Variants in NNT observed in about 807,000 individuals in gnomAD.
NNT encodes the protein NAD(P) transhydrogenase, mitochondrial.
NNT carries 50 observed loss-of-function variants against 104.8 expected under a neutral mutation model. The ratio of observed to expected loss-of-function variants is 0.48; its 90% CI spans 0.38 to 0.60. The LOEUF is 0.60. NNT is among the 20% of genes least tolerant of loss of function. The probability of loss-of-function intolerance (pLI) is 0.00; values close to 1 mark genes in which losing one functional copy is unlikely to be tolerated. For synonymous variants in NNT, 461 were observed against 490.4 expected, an observed-to-expected ratio of 0.94 and a Z score of 0.79; for missense variants, 1,131 against 1,330.7, an observed-to-expected ratio of 0.85 and a Z score of 2.33.
At chr5:43,655,200 G>A (rs1739973456) in intron 14 of NNT, among the ~76,000 whole-genome samples, 2 of 152,190 alleles carry the variant, frequency 1.3e-5, no homozygotes, top group African/African-American at 4.8e-5. Flanking sequence ...AATTTGATTA[G>A]AGATTTAGGT....
At chr5:43,603,172 G>A (rs1476352183), upstream of NNT, 2 of 152,848 alleles carry the variant, frequency 1.3e-5, no homozygotes, top group Admixed American at 1.3e-4. Context: ...CGCCGCCGCG[G>A]AGTTGGGGCT....
At chr5:43,607,566 A>T (rs1011872962) in intron 1 of NNT, among the ~76,000 whole-genome samples, 5 of 152,188 alleles carry the variant, frequency 3.3e-5, no homozygotes, top group Non-Finnish European at 7.3e-5. Flanking sequence ...TTGCTCACAC[A>T]AAGCCTGTTT....
At chr5:43,610,588 A>C (rs1430676397) in intron 2 of NNT, among the ~76,000 whole-genome samples, 1 of 152,184 alleles carries the variant, frequency 6.6e-6, no homozygotes, top group African/African-American at 2.4e-5. Flanking sequence ...CTGTTTGTGG[A>C]TTCATTAAGG....
At chr5:43,688,836 A>G (rs955347606) in intron 19 of NNT, among the ~76,000 whole-genome samples, 4 of 152,200 alleles carry the variant, frequency 2.6e-5, no homozygotes, top group Non-Finnish European at 4.4e-5. Context: ...TGCAATCGCA[A>G]ATTGTGCTGC....
chr5:43,660,843 C>T (rs184170092), intron 17 of NNT, among the ~76,000 whole-genome samples: 1 of 152,244 alleles, frequency 6.6e-6, no homozygotes, highest in East Asian at 1.9e-4. Flanking sequence ...TCCACCAGGT[C>T]CCCCCGTGGC....
At chr5:43,662,369 T>C (rs890093146) in intron 17 of NNT, among the ~76,000 whole-genome samples, 3 of 152,170 alleles carry the variant, frequency 2.0e-5, no homozygotes, top group African/African-American at 7.2e-5. Context: ...CTTTCTCTTA[T>C]TTTTCTTACT....
intron 17 of NNT, among the ~76,000 whole-genome samples, chr5:43,668,130 T>G (rs1182787236): frequency 6.6e-6 from 1 of 152,252 alleles, no homozygotes; most frequent in African/African-American, 2.4e-5. Flanking sequence ...GTTTTTTTCT[T>G]GTAAATTTGT....
intron 19 of NNT, among the ~76,000 whole-genome samples, chr5:43,682,481 G>A (rs948530815): frequency 2.0e-5 from 3 of 152,138 alleles, no homozygotes; most frequent in Admixed American, 1.3e-4. Flanking sequence ...AGAGTGCTGG[G>A]ATTACAGGCG....
intron 5 of NNT, among the ~76,000 whole-genome samples, chr5:43,623,377 C>T (rs892073596): frequency 3.3e-5 from 5 of 152,002 alleles, no homozygotes; most frequent in East Asian, 1.9e-4. Flanking sequence ...TCTTAGAAGG[C>T]GGGGGTAGGG....
At chr5:43,643,604 C>G (rs1385527250) in intron 7 of NNT, among the ~76,000 whole-genome samples, 1 of 152,120 alleles carries the variant, frequency 6.6e-6, no homozygotes, top group Non-Finnish European at 1.5e-5. Context: ...ACTCCTAAAC[C>G]TTTTGGAGTT....
intron 11 of NNT, 42 bp downstream of exon 11, chr5:43,649,350 G>A (rs1739628614): frequency 1.2e-6 from 2 of 1,607,784 alleles, no homozygotes; most frequent in Non-Finnish European, 1.7e-6. Context: ...GGTTTTCATA[G>A]GGTTACTCAG....
At chr5:43,672,977 G>A (rs1389188452) in intron 17 of NNT, among the ~76,000 whole-genome samples, 2 of 152,234 alleles carry the variant, frequency 1.3e-5, no homozygotes, top group African/African-American at 4.8e-5. Flanking sequence ...TCAAGGCTCA[G>A]CAATGGTGGG....
rs185666024 is a variant in NNT, at chr5:43,625,359, A to G, written c.776+1239A>G. Among the ~76,000 whole-genome samples, 483 of 152,278 alleles carry G rather than the reference A, an allele frequency of 3.2e-3. 3 individuals are homozygous for G. Among genetic ancestry groups the G allele is most frequent in the South Asian group, 9.3e-3 (45 of 4,824 alleles). On this transcript the variant is annotated intron_variant, in intron 6 of 21. Coordinates refer to ENST00000344920, the MANE Select transcript of NNT (RefSeq NM_182977.3). ...CTGTTGCTTATATTAGAAAAATACA[A>G]AAACTCAATTTTTCTTTATAATTTA...
intron 13 of NNT, among the ~76,000 whole-genome samples, chr5:43,652,334 C>T (rs2111903679): frequency 6.6e-6 from 1 of 152,106 alleles, no homozygotes; most frequent in South Asian, 2.1e-4. Flanking sequence ...TAAAAAAATC[C>T]ATAAAGAAAA....
chr5:43,645,929 G>T lies in NNT; in HGVS notation c.1444+419G>T, dbSNP rs557478643. Among the ~76,000 whole-genome samples, 9 of 151,460 alleles carry T rather than the reference G, an allele frequency of 5.9e-5. 1 individual carries two copies. The East Asian group carries it at 1.6e-3, about 26-fold the overall frequency. On this transcript the variant is annotated intron_variant, in intron 10 of 21. Coordinates refer to ENST00000344920, the MANE Select transcript of NNT (RefSeq NM_182977.3). Reference sequence around the variant, plus strand: ...GGGGTTTCACTGTGTTAACCAGGATGGTCTCGATCTCCTGACCTCGTGATC... The same window carrying T: ...GGGGTTTCACTGTGTTAACCAGGATTGTCTCGATCTCCTGACCTCGTGATC...
chr5:43,673,334 C>T (rs1411740152), intron 17 of NNT, among the ~76,000 whole-genome samples: 6 of 152,164 alleles, frequency 3.9e-5, no homozygotes, highest in Admixed American at 2.6e-4. Flanking sequence ...GAACCCGGTA[C>T]CTCAGTTGGA....
At chr5:43,684,838 A>C (rs574086371) in intron 19 of NNT, among the ~76,000 whole-genome samples, 1 of 152,206 alleles carries the variant, frequency 6.6e-6, no homozygotes, top group South Asian at 2.1e-4. Context: ...CAGGGAGTCT[A>C]TCATATTTTT....
At chr5:43,701,237 C>A (rs1350387837) in intron 20 of NNT, among the ~76,000 whole-genome samples, 4 of 152,180 alleles carry the variant, frequency 2.6e-5, no homozygotes, top group Admixed American at 6.6e-5. Flanking sequence ...ATATCCCTCA[C>A]TCCCCATTCT....
At chr5:43,631,238 T>C (rs1486089791) in intron 7 of NNT, among the ~76,000 whole-genome samples, 1 of 151,956 alleles carries the variant, frequency 6.6e-6, no homozygotes, top group Non-Finnish European at 1.5e-5. Context: ...AGGCCTGTGG[T>C]TGGTTTCTGG....
Sources: gnomAD v4.1 joint callset for allele counts (sites outside exome capture counted in the v4.1 genomes callset) on GRCh38, gnomAD v4.1.1 for gene constraint, MANE v1.5 for transcripts, NCBI Gene and HGNC (gene_info 2026-07-23, HGNC 2026-07-21) for gene names.